CDH23: variants seen among roughly 807,000 people sequenced by gnomAD.
CDH23 encodes the protein cadherin-23.
A neutral mutation model predicts 317.1 loss-of-function variants in CDH23; 189 were observed. That is an observed-to-expected ratio of 0.60 (90% CI 0.53 to 0.67). CDH23 has a LOEUF of 0.67. Ranked by LOEUF, CDH23 falls within the 30% of genes least tolerant of loss-of-function variation. CDH23 has a pLI of 0.00. For synonymous variants in CDH23, 1,839 were observed against 1,876.8 expected, an observed-to-expected ratio of 0.98 and a Z score of 0.52; for missense variants, 4,401 against 4,592.4, an observed-to-expected ratio of 0.96 and a Z score of 1.20.
intron 28 of CDH23, chr10:71,713,219 C>G (rs761307393): frequency 9.0e-6 from 7 of 779,078 alleles, no homozygotes; most frequent in South Asian, 8.1e-5. Context: ...CCGAGGCTCC[C>G]CTCTTGGGAA....
chr10:71,644,705 C>T (rs1410464107), intron 12 of CDH23, among the ~76,000 whole-genome samples: 1 of 152,212 alleles, frequency 6.6e-6, no homozygotes, highest in Non-Finnish European at 1.5e-5. Flanking sequence ...CCCTTGCCAG[C>T]CACTGGTTCA....
At chr10:71,783,741 G>C (rs1841019625) in intron 41 of CDH23, among the ~76,000 whole-genome samples, 1 of 152,164 alleles carries the variant, frequency 6.6e-6, no homozygotes, top group Non-Finnish European at 1.5e-5. Context: ...ACTAAATAGA[G>C]GGCACTGGGG....
intron 69 of CDH23, 86 bp downstream of exon 69, chr10:71,813,434 A>C: frequency 1.7e-6 from 2 of 1,173,118 alleles, no homozygotes; most frequent in South Asian, 1.3e-5. Flanking sequence ...GTCCTTCTCT[A>C]TGTCTCTGGA....
chr10:71,609,935 T>C (rs1325078242), intron 9 of CDH23, among the ~76,000 whole-genome samples: 1 of 151,128 alleles, frequency 6.6e-6, no homozygotes, highest in Non-Finnish European at 1.5e-5. Context: ...CTTTCCAGAA[T>C]GTGTAAGGAC....
rs1849006230 is a variant in CDH23 at position 71,425,232 on chromosome 10, G to GAGAGAGAGA, written c.-5-14595_-5-14594insAGAGAGAGA. Reference sequence around the variant, plus strand: ...ATCACAGTGGGGCAGAGAGAGAGAGGGAGAGAGAGAGAGAGAGAGAGAGAG... The same window carrying GAGAGAGAGA: ...ATCACAGTGGGGCAGAGAGAGAGAGGAGAGAGAGAGAGAGAGAGAGAGAGAGAGAGAGAG... On this transcript the variant is annotated intron_variant, in intron 1 of 69. Transcript: ENST00000224721. 5.1e-4 allele frequency among the ~76,000 whole-genome samples: 38 copies of GAGAGAGAGA among 73,964 alleles called. 2 individuals are homozygous for GAGAGAGAGA. The highest frequency in any genetic ancestry group is 1.6e-3 in the African/African-American group (35 of 21,554). 48.5% of individuals were successfully genotyped at this position (73,964 alleles called of 152,430 possible).
rs114465649 is a variant in CDH23 at position 71,705,154 on chromosome 10, C to T, written c.2953+24C>T. The T allele has an allele frequency of 1.8e-3, 2,849 of 1,592,836 alleles. 56 individuals are homozygous for T. The African/African-American group carries it at 0.034, about 19-fold the overall frequency. On this transcript the variant is annotated intron_variant, in intron 25 of 69. Transcript: ENST00000224721. The stretch of plus-strand genomic sequence containing the variant: ...TGGTGAGGGGGCGCAGGGGCTTCTG[C>T]TGTGTGCTCAGTGTGTGGGCACAGG...
chr10:71,789,294 G>T (rs1242174538), intron 45 of CDH23, among the ~76,000 whole-genome samples: 1 of 152,170 alleles, frequency 6.6e-6, no homozygotes, highest in Non-Finnish European at 1.5e-5. Flanking sequence ...TCTGAGAGCT[G>T]CCCCACCATC....
intron 3 of CDH23, among the ~76,000 whole-genome samples, chr10:71,474,044 C>T (rs1006025006): frequency 3.3e-5 from 5 of 152,200 alleles, no homozygotes; most frequent in Non-Finnish European, 7.3e-5. Flanking sequence ...CATCTATAAC[C>T]TAGGAATGGC....
chr10:71,402,201 T>G (rs1847811482), intron 1 of CDH23, among the ~76,000 whole-genome samples: 2 of 152,058 alleles, frequency 1.3e-5, no homozygotes, highest in African/African-American at 4.8e-5. Context: ...AATGTATTGG[T>G]GAGGGGAATG....
intron 9 of CDH23, among the ~76,000 whole-genome samples, chr10:71,612,120 G>A (rs897854115): frequency 2.0e-5 from 3 of 152,018 alleles, no homozygotes; most frequent in South Asian, 4.2e-4. Context: ...TGGCCTTGTC[G>A]GCTCCCTAGG....
intron 6 of CDH23, among the ~76,000 whole-genome samples, chr10:71,534,643 C>T (rs1855596540): frequency 6.6e-6 from 1 of 152,234 alleles, no homozygotes; most frequent in Non-Finnish European, 1.5e-5. Flanking sequence ...AACAGTTAAA[C>T]TCATGTGATA....
intron 35 of CDH23, 103 bp from the exon 36 acceptor site, chr10:71,739,541 G>T: frequency 7.1e-7 from 1 of 1,414,848 alleles, no homozygotes. Context: ...TTGCTCAACA[G>T]AGGGCCCACG....
In CDH23 at chr10:71,734,777, G is replaced by A. The variant is rs1564765614; in HGVS notation, c.4209+119G>A. 4 of 596,560 alleles carry A rather than the reference G, an allele frequency of 6.7e-6. No individual in the cohort carries two copies. In the East Asian group the frequency reaches 2.1e-4, roughly 32 times the overall value. 37.0% of individuals were successfully genotyped at this position (596,560 alleles called of 1,614,324 possible). ...AGAGAGAAGGCACGTGGACAGGCCT[G>A]CAGCAGGCCCCCTCCCAGTGCCTCC... is the stretch of plus-strand genomic sequence containing the variant. On this transcript the variant is annotated intron_variant, in intron 34 of 69. Coordinates refer to ENST00000224721, the MANE Select transcript of CDH23 (RefSeq NM_022124.6).
At chr10:71,521,670 A>G (rs1277061203) in intron 6 of CDH23, among the ~76,000 whole-genome samples, 1 of 152,164 alleles carries the variant, frequency 6.6e-6, no homozygotes, top group Non-Finnish European at 1.5e-5. Flanking sequence ...CTTTATCCCC[A>G]TTCTACAGAT....
intron 42 of CDH23, 39 bp downstream of exon 42, chr10:71,784,459 G>A (rs1841043853): frequency 1.3e-6 from 2 of 1,596,198 alleles, no homozygotes; most frequent in South Asian, 1.1e-5. Flanking sequence ...TCACCTCGCT[G>A]CCCCTGTACT....
At chr10:71,610,075 G>T (rs1292570167) in intron 9 of CDH23, among the ~76,000 whole-genome samples, 1 of 151,568 alleles carries the variant, frequency 6.6e-6, no homozygotes, top group Non-Finnish European at 1.5e-5. Flanking sequence ...CATGATCTTG[G>T]CTCACTGCAA....
chr10:71,546,474 G>T (rs373199243), intron 6 of CDH23, among the ~76,000 whole-genome samples: 1 of 152,198 alleles, frequency 6.6e-6, no homozygotes, highest in East Asian at 1.9e-4. Context: ...AGTGCAGAAT[G>T]TGGGCTCTGG....
intron 34 of CDH23, chr10:71,737,695 C>G (rs1326197510): frequency 2.1e-6 from 1 of 470,350 alleles, no homozygotes; most frequent in Non-Finnish European, 4.4e-6. Context: ...CCTCCAACCC[C>G]CCTCACACCC....
chr10:71,623,733 CA>C (rs1343534005), intron 11 of CDH23, among the ~76,000 whole-genome samples: 1 of 152,198 alleles, frequency 6.6e-6, no homozygotes, highest in Non-Finnish European at 1.5e-5. Flanking sequence ...GTTCCATGAT[CA>C]TAGAACCCTA....
Sources: allele counts gnomAD v4.1 joint callset (sites outside exome capture counted in the v4.1 genomes callset), GRCh38; gene constraint gnomAD v4.1.1; transcripts MANE v1.5; gene names NCBI Gene and HGNC (gene_info 2026-07-23, HGNC 2026-07-21).